ADARB1: variants seen among roughly 807,000 people sequenced by gnomAD.
The protein encoded by ADARB1 is double-stranded RNA-specific editase 1.
A neutral mutation model predicts 52.4 loss-of-function variants in ADARB1; 10 were observed. That is an observed-to-expected ratio of 0.19 (90% CI 0.12 to 0.32). The LOEUF is 0.32. Ranked by LOEUF, ADARB1 falls within the 10% of genes least tolerant of loss-of-function variation. The pLI is 1.00. For missense variants in ADARB1, 643 were observed against 922.3 expected (o/e 0.70, Z 3.92); for synonymous variants, 349 against 371.1 (o/e 0.94, Z 0.68).
intron 1 of ADARB1, among the ~76,000 whole-genome samples, chr21:45,094,424 G>T (rs948042180): frequency 2.0e-5 from 3 of 152,150 alleles, no homozygotes; most frequent in Non-Finnish European, 2.9e-5. Context: ...GAGAGTTTTT[G>T]ATTAATCCCC....
chr21:45,124,473 C>CA (rs1312236580), intron 1 of ADARB1, among the ~76,000 whole-genome samples: 1 of 152,144 alleles, frequency 6.6e-6, no homozygotes, highest in East Asian at 1.9e-4. Context: ...CTCCTGGGCT[C>CA]AGACGATCCT....
At chr21:45,181,636 C>G (rs965503781) in intron 5 of ADARB1, 1 of 152,312 alleles carries the variant, frequency 6.6e-6, no homozygotes, top group Non-Finnish European at 1.5e-5. Flanking sequence ...TTAGAAGAGG[C>G]CGATCACCTT....
In ADARB1 at chr21:45,166,004, C is replaced by T. The variant is rs527545584; in HGVS notation, c.-47-5606C>T. On this transcript the variant is annotated intron_variant, in intron 2 of 10. Transcript: ENST00000348831. ...CCAGTTGTCTTAAACAGTTTTTAATCTATAAACTTTTAGTGGACTCCTAAA... is the reference window on the plus strand; with the variant it reads ...CCAGTTGTCTTAAACAGTTTTTAATTTATAAACTTTTAGTGGACTCCTAAA... 1.1e-4 allele frequency among the ~76,000 whole-genome samples: 17 copies of T among 152,204 alleles called. No individual in the cohort carries two copies. In the South Asian group the frequency reaches 3.3e-3, roughly 30 times the overall value.
chr21:45,183,571 A>T (rs2091999193), intron 7 of ADARB1, 61 bp downstream of exon 7: 1 of 1,563,748 alleles, frequency 6.4e-7, no homozygotes, highest in Admixed American at 1.8e-5. Flanking sequence ...GATAAAAACT[A>T]ACCTGTGTTA....
intron 1 of ADARB1, among the ~76,000 whole-genome samples, chr21:45,093,291 G>T (rs1310492995): frequency 2.0e-5 from 3 of 152,160 alleles, no homozygotes; most frequent in Non-Finnish European, 4.4e-5. Context: ...TCTCGGGTAG[G>T]AGAGTGTTGG....
chr21:45,174,697 A>G (rs995235490), intron 3 of ADARB1, among the ~76,000 whole-genome samples: 249 of 152,006 alleles, frequency 1.6e-3, no homozygotes, highest in African/African-American at 5.6e-3. Flanking sequence ...ATACATACAT[A>G]CATACATACA....
At chr21:45,076,463 A>C (rs541340443) in intron 1 of ADARB1, among the ~76,000 whole-genome samples, 24 of 152,312 alleles carry the variant, frequency 1.6e-4, no homozygotes, top group African/African-American at 5.8e-4. Context: ...GACTGGGTAT[A>C]TCCCACTACA....
At chr21:45,132,556 TA>T (rs2089018423) in intron 2 of ADARB1, among the ~76,000 whole-genome samples, 1 of 152,176 alleles carries the variant, frequency 6.6e-6, no homozygotes, top group South Asian at 2.1e-4. Flanking sequence ...CCAGGCCTGC[TA>T]CCTTGTGGGG....
chr21:45,164,521 G>A (rs552566296), intron 2 of ADARB1, among the ~76,000 whole-genome samples: 17 of 151,306 alleles, frequency 1.1e-4, no homozygotes, highest in Non-Finnish European at 2.2e-4. Flanking sequence ...TGCACTGTGC[G>A]TGGAGGGAGA....
intron 2 of ADARB1, among the ~76,000 whole-genome samples, chr21:45,163,224 G>A (rs1282121596): frequency 6.6e-6 from 1 of 152,232 alleles, no homozygotes; most frequent in Non-Finnish European, 1.5e-5. Context: ...AGGACTTAGA[G>A]GTCAGTTCGT....
At chr21:45,075,350 G>T (rs749170009) in intron 1 of ADARB1, among the ~76,000 whole-genome samples, 1 of 151,876 alleles carries the variant, frequency 6.6e-6, no homozygotes, top group African/African-American at 2.4e-5. Context: ...GGCAGGCTGC[G>T]CCCGGGATGA....
intron 7 of ADARB1, among the ~76,000 whole-genome samples, chr21:45,184,078 C>G (rs557279279): frequency 6.6e-6 from 1 of 152,274 alleles, no homozygotes; most frequent in South Asian, 2.1e-4. Context: ...ATAAAAGCAA[C>G]AGGCATACTC....
At chr21:45,207,733 G>C (rs1024723125) in intron 9 of ADARB1, among the ~76,000 whole-genome samples, 1 of 152,122 alleles carries the variant, frequency 6.6e-6, no homozygotes, top group Non-Finnish European at 1.5e-5. Context: ...TTATTATAAA[G>C]GTCATTCCCG....
intron 1 of ADARB1, among the ~76,000 whole-genome samples, chr21:45,094,843 A>G (rs530925078): frequency 1.3e-5 from 2 of 152,218 alleles, no homozygotes; most frequent in East Asian, 3.9e-4. Context: ...CATAACTGTG[A>G]TGAAGGAAGA....
chr21:45,134,793 GT>G (rs778977600), intron 2 of ADARB1: 1 of 534,028 alleles, frequency 1.9e-6, no homozygotes, highest in South Asian at 1.4e-5. Flanking sequence ...AGGCCCATGA[GT>G]GATGAAGATC....
intron 5 of ADARB1, among the ~76,000 whole-genome samples, chr21:45,180,972 C>T (rs372903819): frequency 3.3e-5 from 5 of 152,276 alleles, no homozygotes; most frequent in Admixed American, 1.3e-4. Context: ...CCCCACATCC[C>T]GCGAGTGAGA....
At chr21:45,197,036 A>G (rs1228732287) in intron 8 of ADARB1, among the ~76,000 whole-genome samples, 2 of 152,154 alleles carry the variant, frequency 1.3e-5, no homozygotes, top group Non-Finnish European at 2.9e-5. Flanking sequence ...TACTAAAAAT[A>G]CAAGTATTAG....
chr21:45,213,542 A>G (rs754329308), intron 9 of ADARB1, among the ~76,000 whole-genome samples: 7 of 152,216 alleles, frequency 4.6e-5, no homozygotes, highest in Non-Finnish European at 7.3e-5. Context: ...GTACTCCTTC[A>G]TAATCCCTCC....
At chr21:45,214,205 C>T (rs527827477) in intron 9 of ADARB1, among the ~76,000 whole-genome samples, 1 of 152,274 alleles carries the variant, frequency 6.6e-6, no homozygotes, top group East Asian at 1.9e-4. Context: ...CTGTTCAAAA[C>T]TTATGCACAT....
Sources: allele counts gnomAD v4.1 joint callset (sites outside exome capture counted in the v4.1 genomes callset), GRCh38; gene constraint gnomAD v4.1.1; transcripts MANE v1.5; gene names NCBI Gene and HGNC (gene_info 2026-07-23, HGNC 2026-07-21).